The following SLC12A7 variants were observed in gnomAD, a reference collection of about 807,000 sequenced individuals.
The protein encoded by SLC12A7 is solute carrier family 12 member 7, also known as K-Cl cotransporter 4.
SLC12A7 carries 100 observed loss-of-function variants against 120.6 expected under a neutral mutation model. The observed-to-expected ratio is 0.83, with a 90% CI of 0.71 to 0.98. SLC12A7 has a LOEUF of 0.98. Ranked by LOEUF, SLC12A7 falls within the 50% of genes least tolerant of loss-of-function variation. The probability of loss-of-function intolerance (pLI) is 0.00; values close to 1 mark genes in which losing one functional copy is unlikely to be tolerated. For missense variants in SLC12A7, 1,373 were observed against 1,548.1 expected (o/e 0.89, Z 1.90); for synonymous variants, 760 against 678.0 (o/e 1.12, Z -1.88).
chr5:1,076,050 AC>A lies in SLC12A7; in HGVS notation c.1847+87del, dbSNP rs529579711. ...AGTGTCCCAGCCTGTGGGGCTCCTG[AC>A]GCCTGTGCTGAGCGGCCTCACCAGT... On this transcript the variant is annotated intron_variant, in intron 14 of 23. Coordinates refer to ENST00000264930, the MANE Select transcript of SLC12A7 (RefSeq NM_006598.3). The A allele has an allele frequency of 2.0e-4, 221 of 1,116,456 alleles. No individual in the cohort carries two copies. In the African/African-American group the frequency reaches 3.3e-3, roughly 17 times the overall value. 69.2% of individuals were successfully genotyped at this position (1,116,456 alleles called of 1,614,324 possible). A position where few individuals can be genotyped will look rare whatever the true frequency, so the allele number is the denominator to read the frequency against.
At chr5:1,111,040 A>T (rs1186377375) in intron 1 of SLC12A7, among the ~76,000 whole-genome samples, 1 of 152,204 alleles carries the variant, frequency 6.6e-6, no homozygotes, top group African/African-American at 2.4e-5. Context: ...CACCCACTGC[A>T]TGAGACCCGG....
chr5:1,129,211 C>T, the SLC12A7 span, among the ~76,000 whole-genome samples: 249 of 152,334 alleles, frequency 1.6e-3, no homozygotes, highest in African/African-American at 5.6e-3. Context: ...CTCCCTCAGC[C>T]AGCCGCCACT....
At chr5:1,148,158 T>C in the SLC12A7 span, among the ~76,000 whole-genome samples, 1 of 151,960 alleles carries the variant, frequency 6.6e-6, no homozygotes, top group South Asian at 2.1e-4. Flanking sequence ...CCTCTTTAAA[T>C]ATTTTACAGA....
chr5:1,144,256 G>A, the SLC12A7 span, among the ~76,000 whole-genome samples: 1 of 152,174 alleles, frequency 6.6e-6, no homozygotes, highest in Non-Finnish European at 1.5e-5. Flanking sequence ...TGGTGTCTGG[G>A]GCTTACGCCA....
chr5:1,128,020 C>T, the SLC12A7 span, among the ~76,000 whole-genome samples: 3 of 152,166 alleles, frequency 2.0e-5, no homozygotes, highest in African/African-American at 7.2e-5. Flanking sequence ...GTGACAGGCG[C>T]GTGATCTCTG....
intron 1 of SLC12A7, among the ~76,000 whole-genome samples, chr5:1,102,598 C>A (rs771412190): frequency 2.5e-4 from 38 of 152,340 alleles, no homozygotes; most frequent in Non-Finnish European, 5.6e-4. Context: ...GTCCGTCCAG[C>A]TACCCAGCCC....
the SLC12A7 span, among the ~76,000 whole-genome samples, chr5:1,120,057 T>C: frequency 2.4e-4 from 36 of 152,256 alleles, no homozygotes; most frequent in African/African-American, 8.7e-4. Context: ...CCCCTGAATT[T>C]CACCCCCAGA....
At chr5:1,109,421 G>C (rs988538158) in intron 1 of SLC12A7, among the ~76,000 whole-genome samples, 1 of 152,118 alleles carries the variant, frequency 6.6e-6, no homozygotes, top group Non-Finnish European at 1.5e-5. Flanking sequence ...AGAAACTGAG[G>C]GTTAACACGT....
intron 17 of SLC12A7, 65 bp downstream of exon 17, chr5:1,073,568 A>C: frequency 2.0e-6 from 3 of 1,493,806 alleles, no homozygotes; most frequent in East Asian, 4.8e-5. Context: ...AGGACATGCC[A>C]GGGCACGTTT....
chr5:1,108,279 T>C (rs535669635), intron 1 of SLC12A7, among the ~76,000 whole-genome samples: 38 of 152,350 alleles, frequency 2.5e-4, no homozygotes, highest in Admixed American at 1.2e-3. Context: ...CCTGGGAGTA[T>C]GTCAGGCGCA....
chr5:1,127,939 C>A, the SLC12A7 span, among the ~76,000 whole-genome samples: 1 of 152,224 alleles, frequency 6.6e-6, no homozygotes, highest in East Asian at 1.9e-4. Context: ...GATGCCCACA[C>A]CCCAGGAAAG....
At chr5:1,132,157 C>T in the SLC12A7 span, among the ~76,000 whole-genome samples, 4 of 152,204 alleles carry the variant, frequency 2.6e-5, no homozygotes, top group South Asian at 2.1e-4. Context: ...CTCTGGTTGT[C>T]CTCACTGCTC....
rs367757932 is a variant in SLC12A7, at chr5:1,085,232, G to A, written c.917C>T (p.Pro306Leu). 2.0e-5 allele frequency: 32 copies of A among 1,608,808 alleles called. No individual in the cohort carries two copies. The highest frequency in any genetic ancestry group is 2.5e-5 in the Non-Finnish European group (29 of 1,177,830). Residue 306 changes from proline (P) to leucine (L), a missense_variant and splice_region_variant, in exon 7 of 24, where the codon CCG (proline) becomes CTG (leucine). Pro to Leu is a moderately conservative substitution (Grantham distance 98). Transcript: ENST00000264930. ...IKSAFDPPDI[P>L]VCLLGNRTLS... ...ACGGCTCAGAGGCCCCGAGACTCAC[G>A]GGATGTCCGGGGGGTCGAAGGCAGA...
intron 21 of SLC12A7, among the ~76,000 whole-genome samples, chr5:1,058,975 G>A (rs1181885393): frequency 4.6e-5 from 7 of 152,188 alleles, no homozygotes; most frequent in Non-Finnish European, 1.0e-4. Flanking sequence ...TCCCGCTCCC[G>A]GTCCCTCCTC....
At chr5:1,095,189 G>A (rs571948403) in intron 1 of SLC12A7, among the ~76,000 whole-genome samples, 1 of 152,196 alleles carries the variant, frequency 6.6e-6, no homozygotes, top group Admixed American at 6.5e-5. Context: ...TAGGGCCCTC[G>A]CCAGACCCCA....
chr5:1,054,303 C>T (rs1181114977), intron 22 of SLC12A7, among the ~76,000 whole-genome samples: 1 of 152,254 alleles, frequency 6.6e-6, no homozygotes, highest in Non-Finnish European at 1.5e-5. Context: ...TGTCTCAAAG[C>T]GTCCCTGGCG....
At chr5:1,126,334 T>C in the SLC12A7 span, among the ~76,000 whole-genome samples, 1 of 152,164 alleles carries the variant, frequency 6.6e-6, no homozygotes. Context: ...GGTAATCTGA[T>C]CGCCTCGGCC....
chr5:1,067,124 C>G (rs1737137932), intron 17 of SLC12A7, among the ~76,000 whole-genome samples: 1 of 152,214 alleles, frequency 6.6e-6, no homozygotes, highest in South Asian at 2.1e-4. Flanking sequence ...TCGTCCTTAC[C>G]CTGCTCTCCA....
chr5:1,068,114 G>A (rs1041602284), intron 17 of SLC12A7, among the ~76,000 whole-genome samples: 1 of 152,236 alleles, frequency 6.6e-6, no homozygotes, highest in African/African-American at 2.4e-5. Context: ...GAAGCTGCAC[G>A]CTTCTTAGAG....
Sources: gnomAD v4.1 joint callset for allele counts (sites outside exome capture counted in the v4.1 genomes callset) on GRCh38, gnomAD v4.1.1 for gene constraint, MANE v1.5 for transcripts, NCBI Gene and HGNC (gene_info 2026-07-23, HGNC 2026-07-21) for gene names.